CADM2: variants seen among roughly 807,000 people sequenced by gnomAD.
CADM2 encodes cell adhesion molecule 2.
Under a neutral mutation model 49.8 loss-of-function variants are expected in CADM2, and 12 were observed. That is an observed-to-expected ratio of 0.24 (90% CI 0.15 to 0.39). CADM2 has a LOEUF of 0.39. CADM2 is among the 10% of genes least tolerant of loss of function. The pLI, the probability that CADM2 is intolerant of heterozygous loss-of-function variation, is 1.00. For missense variants in CADM2, 378 were observed against 492.3 expected, an observed-to-expected ratio of 0.77 and a Z score of 2.20; for synonymous variants, 214 against 175.4, an observed-to-expected ratio of 1.22 and a Z score of -1.74.
chr3:85,665,395 A>G (rs1384647256), intron 1 of CADM2, among the ~76,000 whole-genome samples: 1 of 151,970 alleles, frequency 6.6e-6, no homozygotes, highest in Non-Finnish European at 1.5e-5. Context: ...TTGGCCTGCA[A>G]TGGATATGTG....
chr3:85,558,824 A>T (rs925830524), intron 1 of CADM2, among the ~76,000 whole-genome samples: 1 of 152,062 alleles, frequency 6.6e-6, no homozygotes, highest in Non-Finnish European at 1.5e-5. Context: ...TGGAAGTCTT[A>T]CAGGCACCAA....
At chr3:85,668,338 A>G (rs527958964) in intron 1 of CADM2, among the ~76,000 whole-genome samples, 125 of 151,814 alleles carry the variant, frequency 8.2e-4, no homozygotes, top group Non-Finnish European at 1.5e-3. Context: ...ACACAAACAA[A>G]CAAAAAAACA....
chr3:85,015,927 G>T (rs2107273310), intron 1 of CADM2, among the ~76,000 whole-genome samples: 1 of 152,192 alleles, frequency 6.6e-6, no homozygotes, highest in East Asian at 1.9e-4. Context: ...TTAATGAGTA[G>T]GTGTGATATG....
intron 1 of CADM2, among the ~76,000 whole-genome samples, chr3:85,040,205 A>G (rs2035381454): frequency 6.6e-6 from 1 of 152,158 alleles, no homozygotes; most frequent in Admixed American, 6.5e-5. Flanking sequence ...CTTTCCAAAC[A>G]TTGACTCTAG....
chr3:85,316,775 C>G (rs2044474498), intron 1 of CADM2, among the ~76,000 whole-genome samples: 1 of 152,006 alleles, frequency 6.6e-6, no homozygotes, highest in Non-Finnish European at 1.5e-5. Context: ...AGCTCCCAAT[C>G]CATTTATGTA....
At chr3:85,212,209 G>C (rs1206741757) in intron 1 of CADM2, among the ~76,000 whole-genome samples, 1 of 151,916 alleles carries the variant, frequency 6.6e-6, no homozygotes, top group Non-Finnish European at 1.5e-5. Flanking sequence ...ATTGGGTTTT[G>C]TTTCTTAATA....
chr3:85,745,175 CT>C (rs1172489183), intron 2 of CADM2, among the ~76,000 whole-genome samples: 10 of 152,186 alleles, frequency 6.6e-5, no homozygotes, highest in African/African-American at 2.2e-4. Context: ...ACCTCAGTGG[CT>C]TTTGATGTTA....
chr3:86,008,980 G>C (rs1011565805), intron 8 of CADM2, among the ~76,000 whole-genome samples: 3 of 151,032 alleles, frequency 2.0e-5, no homozygotes, highest in Non-Finnish European at 3.0e-5. Flanking sequence ...ACGATGCAGG[G>C]TATTTGGCAG....
chr3:85,670,288 G>A (rs1174019342), intron 1 of CADM2, among the ~76,000 whole-genome samples: 1 of 152,136 alleles, frequency 6.6e-6, no homozygotes. Context: ...TTTTTCAGGA[G>A]AGAATAACTA....
intron 1 of CADM2, among the ~76,000 whole-genome samples, chr3:85,200,029 C>T (rs1034939560): frequency 6.6e-5 from 10 of 151,946 alleles, no homozygotes; most frequent in African/African-American, 1.2e-4. Flanking sequence ...GTTACATTTA[C>T]GAATATTTTT....
At chr3:85,971,867 G>A (rs183401901) in intron 8 of CADM2, among the ~76,000 whole-genome samples, 41 of 151,552 alleles carry the variant, frequency 2.7e-4, no homozygotes, top group Non-Finnish European at 5.0e-4. Flanking sequence ...GACAGTTACC[G>A]CCTACAGTTT....
intron 1 of CADM2, among the ~76,000 whole-genome samples, chr3:85,496,602 T>G (rs1034145848): frequency 6.6e-6 from 1 of 152,204 alleles, no homozygotes; most frequent in African/African-American, 2.4e-5. Context: ...TTTTTAGTTT[T>G]TTGAGAAATC....
intron 9 of CADM2, 125 bp from the exon 10 acceptor site, chr3:86,066,540 G>C: frequency 1.4e-6 from 1 of 695,472 alleles, no homozygotes; most frequent in Non-Finnish European, 2.5e-6. Context: ...CTTTAGAAGA[G>C]TCAATCGGGT....
Position 86,070,428 on chromosome 3 carries a change from T to C in CADM2, c.*3645T>C, listed in dbSNP as rs1031985367. 2 of 151,926 alleles carry C rather than the reference T, an allele frequency of 1.3e-5. No homozygotes were observed. The highest frequency in any genetic ancestry group is 4.8e-5 in the African/African-American group (2 of 41,418). 9.4% of individuals were successfully genotyped at this position (151,926 alleles called of 1,614,324 possible). ...GTGTTACCAAGGGGAACATTTCAAA[T>C]GCCTTTTGTTTTTCTTTGGACATCA... On this transcript the variant is annotated 3_prime_UTR_variant, in exon 10 of 10. Coordinates refer to ENST00000383699, the MANE Select transcript of CADM2 (RefSeq NM_001167675.2).
At chr3:85,975,077 T>A (rs932284774) in intron 8 of CADM2, among the ~76,000 whole-genome samples, 7 of 151,368 alleles carry the variant, frequency 4.6e-5, no homozygotes, top group Admixed American at 2.0e-4. Context: ...AGGATTTACA[T>A]AAAATGTGTA....
intron 3 of CADM2, among the ~76,000 whole-genome samples, chr3:85,855,413 A>G (rs1331254212): frequency 1.3e-5 from 2 of 151,974 alleles, no homozygotes; most frequent in African/African-American, 4.8e-5. Flanking sequence ...AACATTTCAC[A>G]TTAAATTCCA....
chr3:85,379,580 A>G (rs143046582), intron 1 of CADM2, among the ~76,000 whole-genome samples: 40 of 151,972 alleles, frequency 2.6e-4, no homozygotes, highest in African/African-American at 9.2e-4. Flanking sequence ...CTTTAATGAT[A>G]TCAGCTGTAT....
chr3:84,966,164 C>T (rs1385884493), intron 1 of CADM2, among the ~76,000 whole-genome samples: 2 of 152,090 alleles, frequency 1.3e-5, no homozygotes, highest in African/African-American at 4.8e-5. Flanking sequence ...ATCTTAGAAG[C>T]ATGCAGCCTA....
At chr3:85,643,867 T>C (rs1257287287) in intron 1 of CADM2, among the ~76,000 whole-genome samples, 1 of 152,162 alleles carries the variant, frequency 6.6e-6, no homozygotes, top group African/African-American at 2.4e-5. Context: ...GTTAGAGCCC[T>C]ACCCTCATTA....
Sources: gnomAD v4.1 joint callset for allele counts (sites outside exome capture counted in the v4.1 genomes callset) on GRCh38, gnomAD v4.1.1 for gene constraint, MANE v1.5 for transcripts, NCBI Gene and HGNC (gene_info 2026-07-23, HGNC 2026-07-21) for gene names.